Variants in FAT3 observed in about 807,000 individuals in gnomAD.
The protein encoded by FAT3 is protocadherin Fat 3.
In FAT3, 95 loss-of-function variants were observed where a neutral mutation model predicts 310.2. The observed-to-expected ratio is 0.31, with a 90% CI of 0.26 to 0.36. The LOEUF is 0.36. Among genes scored for constraint, FAT3 ranks in the 10% least tolerant of loss-of-function variants. The pLI is 1.00. For synonymous variants in FAT3, 2,314 were observed against 2,192.9 expected, an observed-to-expected ratio of 1.06 and a Z score of -1.54; for missense variants, 5,408 against 5,715.6, an observed-to-expected ratio of 0.95 and a Z score of 1.74.
chr11:92,735,196 T>C (rs1945305713), intron 4 of FAT3, among the ~76,000 whole-genome samples: 1 of 152,150 alleles, frequency 6.6e-6, no homozygotes, highest in African/African-American at 2.4e-5. Flanking sequence ...CTCTTCTTGA[T>C]TGTTTGCTTG....
intron 1 of FAT3, among the ~76,000 whole-genome samples, chr11:92,327,880 T>C: frequency 6.6e-6 from 1 of 152,226 alleles, no homozygotes; most frequent in South Asian, 2.1e-4. Flanking sequence ...ATCTTGGAAT[T>C]CTTGAACTGT....
chr11:92,870,055 C>A (rs1376932209), intron 22 of FAT3, among the ~76,000 whole-genome samples: 3 of 152,216 alleles, frequency 2.0e-5, no homozygotes, highest in Non-Finnish European at 4.4e-5. Context: ...TCTAAAATTT[C>A]AGGACACATA....
intron 2 of FAT3, among the ~76,000 whole-genome samples, chr11:92,434,437 A>G (rs1186455676): frequency 2.0e-5 from 3 of 152,202 alleles, no homozygotes; most frequent in African/African-American, 4.8e-5. Flanking sequence ...TCAGATTGCC[A>G]TATTTCTGCA....
intron 2 of FAT3, among the ~76,000 whole-genome samples, chr11:92,356,799 T>A (rs577734077): frequency 1.3e-5 from 2 of 152,202 alleles, no homozygotes; most frequent in South Asian, 4.1e-4. Flanking sequence ...GAACAGGTGG[T>A]AGGAAGGTAT....
chr11:92,612,963 T>C (rs947490017), intron 3 of FAT3, among the ~76,000 whole-genome samples: 1 of 152,194 alleles, frequency 6.6e-6, no homozygotes, highest in Non-Finnish European at 1.5e-5. Flanking sequence ...ATGCCAGTGT[T>C]GGGAGGAAAA....
intron 22 of FAT3, among the ~76,000 whole-genome samples, chr11:92,878,659 A>AAC (rs1303508634): frequency 1.4e-4 from 13 of 91,796 alleles, no homozygotes; most frequent in Non-Finnish European, 2.1e-4. Flanking sequence ...AAAAAAAAAA[A>AAC]AAAAAAAAGC....
intron 1 of FAT3, among the ~76,000 whole-genome samples, chr11:92,309,384 G>GCACACA (rs59596533): frequency 3.4e-5 from 5 of 145,002 alleles, no homozygotes; most frequent in Admixed American, 7.0e-5. Context: ...ACACACGCAT[G>GCACACA]CACACACACA....
intron 4 of FAT3, among the ~76,000 whole-genome samples, chr11:92,719,638 T>A (rs1334249725): frequency 6.6e-6 from 1 of 152,054 alleles, no homozygotes; most frequent in Non-Finnish European, 1.5e-5. Flanking sequence ...TCAGTACAGA[T>A]GTTTTTTTCT....
chr11:92,796,457 A>G (rs1346469596), intron 9 of FAT3, among the ~76,000 whole-genome samples: 1 of 152,210 alleles, frequency 6.6e-6, no homozygotes, highest in Admixed American at 6.5e-5. Context: ...GTGTTCAGAC[A>G]TGGAAAACTT....
chr11:92,887,609 T>C (rs1949826668), intron 25 of FAT3, among the ~76,000 whole-genome samples: 1 of 152,230 alleles, frequency 6.6e-6, no homozygotes, highest in Non-Finnish European at 1.5e-5. Context: ...GGAGAATTTA[T>C]TAAAAACTGT....
chr11:92,244,177 G>A (rs1864794026), intron 1 of FAT3, among the ~76,000 whole-genome samples: 1 of 152,046 alleles, frequency 6.6e-6, no homozygotes, highest in Non-Finnish European at 1.5e-5. Flanking sequence ...TTTGAAAGGT[G>A]AGATTTTGAG....
chr11:92,842,055 T>C (rs1389197891), intron 18 of FAT3, among the ~76,000 whole-genome samples: 1 of 152,206 alleles, frequency 6.6e-6, no homozygotes, highest in Non-Finnish European at 1.5e-5. Context: ...GCACACAGCC[T>C]CCTTCATTCA....
chr11:92,510,016 CTGTT>C (rs1241159232), intron 2 of FAT3, among the ~76,000 whole-genome samples: 4 of 152,078 alleles, frequency 2.6e-5, no homozygotes, highest in African/African-American at 4.8e-5. Context: ...ATCTGCTTGT[CTGTT>C]TATCTATGTA....
At chr11:92,544,662 A>T (rs1356872742) in intron 3 of FAT3, among the ~76,000 whole-genome samples, 1 of 152,174 alleles carries the variant, frequency 6.6e-6, no homozygotes, top group Non-Finnish European at 1.5e-5. Context: ...CAGCTGTAGC[A>T]TGGGTGCCCC....
At chr11:92,617,639 T>G (rs1313409051) in intron 3 of FAT3, among the ~76,000 whole-genome samples, 1 of 152,206 alleles carries the variant, frequency 6.6e-6, no homozygotes, top group Admixed American at 6.5e-5. Context: ...TCTTTGATGA[T>G]GGTGACGTAC....
chr11:92,815,553 A>G (rs1289978040), intron 13 of FAT3, among the ~76,000 whole-genome samples: 1 of 152,106 alleles, frequency 6.6e-6, no homozygotes, highest in Non-Finnish European at 1.5e-5. Context: ...AGCCTGGGAG[A>G]CAGAGCGAGA....
At chr11:92,485,739 C>T (rs1207199085) in intron 2 of FAT3, among the ~76,000 whole-genome samples, 1 of 152,060 alleles carries the variant, frequency 6.6e-6, no homozygotes, top group Non-Finnish European at 1.5e-5. Flanking sequence ...TAGAACAAAC[C>T]AGAAAGGCAT....
chr11:92,251,357 A>G (rs2134278479), intron 1 of FAT3, among the ~76,000 whole-genome samples: 1 of 152,286 alleles, frequency 6.6e-6, no homozygotes, highest in Admixed American at 6.5e-5. Flanking sequence ...TGGTGTAAGT[A>G]ATGTTATATA....
At chr11:92,706,195 G>A (rs534835468) in intron 4 of FAT3, among the ~76,000 whole-genome samples, 32 of 152,010 alleles carry the variant, frequency 2.1e-4, no homozygotes, top group Non-Finnish European at 2.6e-4. Context: ...GGGCCCTTAA[G>A]AATAATCCTT....
Sources: allele counts gnomAD v4.1 joint callset (sites outside exome capture counted in the v4.1 genomes callset), GRCh38; gene constraint gnomAD v4.1.1; transcripts MANE v1.5; gene names NCBI Gene and HGNC (gene_info 2026-07-23, HGNC 2026-07-21).